Variants in QNG1 observed in about 807,000 individuals in gnomAD.
The protein encoded by QNG1 is queuosine 5'-phosphate N-glycosylase/hydrolase.
the QNG1 span, among the ~76,000 whole-genome samples, chr9:83,945,329 A>G: frequency 6.6e-6 from 1 of 150,972 alleles, no homozygotes; most frequent in Non-Finnish European, 1.5e-5. Context: ...TGAGCCTGGG[A>G]GGTCAAGCCT....
At chr9:83,939,516 A>C in the QNG1 span, 1 of 1,608,532 alleles carries the variant, frequency 6.2e-7, no homozygotes, top group Non-Finnish European at 8.5e-7. Flanking sequence ...TGAGGTCAAT[A>C]ATATATGCAA....
chr9:83,940,548 C>T, the QNG1 span, among the ~76,000 whole-genome samples: 5 of 151,988 alleles, frequency 3.3e-5, no homozygotes, highest in Non-Finnish European at 7.4e-5. Flanking sequence ...CTCATGGACC[C>T]ATGTCTATAT....
At chr9:83,955,728 A>C in the QNG1 span, 1 of 1,275,628 alleles carries the variant, frequency 7.8e-7, no homozygotes, top group African/African-American at 1.5e-5. Context: ...ATTAATATGA[A>C]ACCAAATGAG....
the QNG1 span, chr9:83,953,599 G>GC: frequency 2.2e-3 from 1,103 of 495,952 alleles, 8 homozygotes; most frequent in African/African-American, 0.02. Context: ...ACCCGCCTTG[G>GC]CCCCCCAAAG....
the QNG1 span, chr9:83,944,776 T>C: frequency 2.5e-6 from 4 of 1,583,424 alleles, no homozygotes; most frequent in African/African-American, 1.4e-5. Context: ...TAACAAAGAA[T>C]GACTTAAAGT....
the QNG1 span, among the ~76,000 whole-genome samples, chr9:83,945,696 G>A: frequency 1.3e-5 from 2 of 151,974 alleles, no homozygotes; most frequent in African/African-American, 4.8e-5. Flanking sequence ...CCGCCTCCTG[G>A]GTTCACGCCA....
the QNG1 span, chr9:83,955,417 T>G: frequency 1.9e-6 from 3 of 1,614,018 alleles, no homozygotes; most frequent in Non-Finnish European, 2.5e-6. Context: ...AAGGAAAACT[T>G]TCAACCACCA....
At chr9:83,956,802 A>G in the QNG1 span, 2 of 320,982 alleles carry the variant, frequency 6.2e-6, no homozygotes, top group Non-Finnish European at 1.1e-5. Flanking sequence ...TTCCGGTTCC[A>G]AAGGTCTGGA....
At chr9:83,939,116 G>A in the QNG1 span, 98 of 174,118 alleles carry the variant, frequency 5.6e-4, no homozygotes, top group African/African-American at 2.1e-3. Flanking sequence ...TCTTGTTGCT[G>A]AGGCTGGAGT....
chr9:83,949,197 A>G, the QNG1 span, among the ~76,000 whole-genome samples: 5 of 152,222 alleles, frequency 3.3e-5, no homozygotes, highest in East Asian at 5.8e-4. Context: ...AAGGGGCTGA[A>G]GGAACAAATC....
chr9:83,946,103 G>A, the QNG1 span, among the ~76,000 whole-genome samples: 2 of 151,764 alleles, frequency 1.3e-5, no homozygotes, highest in African/African-American at 4.8e-5. Context: ...TCAGGAGTTC[G>A]AGACCAGCCT....
chr9:83,941,711 G>A, the QNG1 span, among the ~76,000 whole-genome samples: 2 of 151,756 alleles, frequency 1.3e-5, no homozygotes, highest in Non-Finnish European at 2.9e-5. Context: ...TTAGGAATTC[G>A]AGAGCAGCCT....
the QNG1 span, among the ~76,000 whole-genome samples, chr9:83,945,748 C>T: frequency 1.3e-5 from 2 of 151,698 alleles, no homozygotes; most frequent in Non-Finnish European, 2.9e-5. Flanking sequence ...ACTACGGGCG[C>T]CGTCACCACG....
the QNG1 span, among the ~76,000 whole-genome samples, chr9:83,955,971 A>G: frequency 2.0e-5 from 3 of 152,184 alleles, no homozygotes; most frequent in Admixed American, 2.0e-4. Flanking sequence ...GCAATGATAA[A>G]TATTAACATC....
At chr9:83,947,925 C>G in the QNG1 span, among the ~76,000 whole-genome samples, 1 of 152,160 alleles carries the variant, frequency 6.6e-6, no homozygotes, top group South Asian at 2.1e-4. Context: ...AGCCTCTGCC[C>G]GGCCGCCACC....
the QNG1 span, chr9:83,939,767 A>T: frequency 6.7e-7 from 1 of 1,498,478 alleles, no homozygotes; most frequent in Non-Finnish European, 9.3e-7. Flanking sequence ...AAGCAGTAAG[A>T]AAAATTAATA....
At chr9:83,955,346 T>C in the QNG1 span, 5 of 1,600,244 alleles carry the variant, frequency 3.1e-6, no homozygotes, top group Non-Finnish European at 4.3e-6. Flanking sequence ...CTGAGATGAT[T>C]AAGACTTCTA....
the QNG1 span, chr9:83,956,105 A>C: frequency 1.9e-6 from 3 of 1,562,980 alleles, no homozygotes; most frequent in Admixed American, 3.4e-5. Context: ...CCCTACACAC[A>C]CCCCAAGTAA....
chr9:83,952,810 A>C, the QNG1 span, among the ~76,000 whole-genome samples: 26 of 151,186 alleles, frequency 1.7e-4, no homozygotes, highest in African/African-American at 5.6e-4. Flanking sequence ...AAAAAAAAAA[A>C]AACAAAAATT....
Sources: gnomAD v4.1 joint callset for allele counts (sites outside exome capture counted in the v4.1 genomes callset) on GRCh38, gnomAD v4.1.1 for gene constraint, MANE v1.5 for transcripts, NCBI Gene and HGNC (gene_info 2026-07-23, HGNC 2026-07-21) for gene names.